The following HNF4G variants were observed in gnomAD, a reference collection of about 807,000 sequenced individuals.
The protein encoded by HNF4G is hepatocyte nuclear factor 4-gamma.
HNF4G carries 21 observed loss-of-function variants against 50.9 expected under a neutral mutation model. That is an observed-to-expected ratio of 0.41 (90% confidence interval 0.29 to 0.59). The LOEUF is 0.59. Among genes scored for constraint, HNF4G ranks in the 20% least tolerant of loss-of-function variants. HNF4G has a pLI of 0.26. For synonymous variants in HNF4G, 198 were observed against 185.6 expected (o/e 1.07, Z -0.54); for missense variants, 527 against 559.4 (o/e 0.94, Z 0.58).
intron 1 of HNF4G, among the ~76,000 whole-genome samples, chr8:75,413,864 T>TA (rs67233685): frequency 0.25 from 37,281 of 151,392 alleles, 4,888 homozygotes; most frequent in Non-Finnish European, 0.29. Flanking sequence ...CTAAAAGATT[T>TA]AAAAAAAAAT....
chr8:75,423,335 C>CTTTTTTTTTT (rs34511777), intron 1 of HNF4G, among the ~76,000 whole-genome samples: 35 of 94,620 alleles, frequency 3.7e-4, no homozygotes, highest in African/African-American at 5.6e-4. Flanking sequence ...TTTTCTTTAT[C>CTTTTTTTTTT]TTTTTTTTTT....
chr8:75,465,103 A>G (rs16939075), intron 1 of HNF4G, among the ~76,000 whole-genome samples: 7,163 of 152,186 alleles, frequency 0.047, 234 homozygotes, highest in African/African-American at 0.081. Flanking sequence ...TTGACTTCCT[A>G]AGATGTCAGT....
At chr8:75,511,776 G>A (rs1285948251) in intron 2 of HNF4G, among the ~76,000 whole-genome samples, 2 of 152,078 alleles carry the variant, frequency 1.3e-5, no homozygotes, top group African/African-American at 4.8e-5. Context: ...GTTTTTAGTA[G>A]AGACGGGGTT....
intron 1 of HNF4G, among the ~76,000 whole-genome samples, chr8:75,481,833 A>AG (rs1275629582): frequency 6.6e-6 from 1 of 151,686 alleles, no homozygotes; most frequent in Admixed American, 6.6e-5. Context: ...CCCAAACAAA[A>AG]AAAAATGTGT....
At chr8:75,428,555 C>T (rs1318309367) in intron 1 of HNF4G, among the ~76,000 whole-genome samples, 1 of 151,980 alleles carries the variant, frequency 6.6e-6, no homozygotes, top group Non-Finnish European at 1.5e-5. Context: ...CAAGAAAGCG[C>T]AGAAAGAGCT....
intron 2 of HNF4G, among the ~76,000 whole-genome samples, chr8:75,528,953 T>A (rs1806251263): frequency 6.6e-6 from 1 of 152,082 alleles, no homozygotes; most frequent in Non-Finnish European, 1.5e-5. Context: ...ACCTCCTGCC[T>A]GGCAGCAGGA....
intron 1 of HNF4G, among the ~76,000 whole-genome samples, chr8:75,466,615 T>G (rs1227121469): frequency 8.8e-6 from 1 of 113,828 alleles, no homozygotes; most frequent in Non-Finnish European, 1.9e-5. Flanking sequence ...CTTCCTTCCT[T>G]CCTTCCTTCC....
intron 2 of HNF4G, among the ~76,000 whole-genome samples, chr8:75,517,909 C>G (rs1805936215): frequency 6.6e-6 from 1 of 152,062 alleles, no homozygotes; most frequent in African/African-American, 2.4e-5. Flanking sequence ...TCCCAGGCAC[C>G]ATACCTCTGC....
At chr8:75,510,493 A>AGTT (rs902743021) in intron 2 of HNF4G, among the ~76,000 whole-genome samples, 56 of 152,176 alleles carry the variant, frequency 3.7e-4, no homozygotes, top group African/African-American at 1.2e-3. Context: ...ACTGTTGCCA[A>AGTT]GTTCCCTTCA....
At chr8:75,459,612 A>G (rs548534069) in intron 1 of HNF4G, among the ~76,000 whole-genome samples, 27 of 152,304 alleles carry the variant, frequency 1.8e-4, no homozygotes, top group Non-Finnish European at 3.2e-4. Context: ...TTTAGAAAAG[A>G]CAAGTGAACT....
At chr8:75,469,202 C>A (rs1049436716) in intron 1 of HNF4G, among the ~76,000 whole-genome samples, 1 of 152,094 alleles carries the variant, frequency 6.6e-6, no homozygotes, top group East Asian at 1.9e-4. Flanking sequence ...ACAAGCCCAA[C>A]CATGCAAGCA....
chr8:75,546,577 G>A (rs961775346), intron 2 of HNF4G, among the ~76,000 whole-genome samples: 2 of 152,010 alleles, frequency 1.3e-5, no homozygotes, highest in Non-Finnish European at 2.9e-5. Context: ...CTACAGATTT[G>A]CCTTTTCAGG....
intron 8 of HNF4G, among the ~76,000 whole-genome samples, 155 bp from the exon 9 acceptor site, chr8:75,560,189 A>G (rs1807265926): frequency 6.6e-6 from 1 of 152,234 alleles, no homozygotes; most frequent in African/African-American, 2.4e-5. Context: ...ATTGTTCTTA[A>G]TATGCCAGTG....
intron 1 of HNF4G, among the ~76,000 whole-genome samples, chr8:75,431,710 G>T (rs1292020473): frequency 6.6e-6 from 1 of 151,786 alleles, no homozygotes; most frequent in African/African-American, 2.4e-5. Context: ...GGTGGATCAC[G>T]AGGTCAGGAG....
chr8:75,419,030 A>G (rs942813257), intron 1 of HNF4G, among the ~76,000 whole-genome samples: 5 of 152,130 alleles, frequency 3.3e-5, no homozygotes, highest in Non-Finnish European at 5.9e-5. Flanking sequence ...CCTGCCTGTG[A>G]TAAGTCTCTT....
chr8:75,442,435 G>T (rs372322392), intron 1 of HNF4G, among the ~76,000 whole-genome samples: 1 of 151,930 alleles, frequency 6.6e-6, no homozygotes, highest in African/African-American at 2.4e-5. Context: ...ATGGCCCAGC[G>T]CAATGGCTCA....
At chr8:75,501,359 T>C (rs1033133719) in intron 2 of HNF4G, among the ~76,000 whole-genome samples, 1 of 152,128 alleles carries the variant, frequency 6.6e-6, no homozygotes, top group African/African-American at 2.4e-5. Context: ...GGCCAGAGGC[T>C]CAGCCCAGGA....
chr8:75,424,571 A>G (rs1345927264), intron 1 of HNF4G, among the ~76,000 whole-genome samples: 1 of 152,082 alleles, frequency 6.6e-6, no homozygotes, highest in Non-Finnish European at 1.5e-5. Context: ...CCCAGAGTCT[A>G]CTGTTCCTAA....
chr8:75,463,346 C>A (rs1811896488), intron 1 of HNF4G, among the ~76,000 whole-genome samples: 1 of 152,020 alleles, frequency 6.6e-6, no homozygotes, highest in African/African-American at 2.4e-5. Context: ...CACTTTGATC[C>A]CATTCTCAGA....
Sources: gnomAD v4.1 joint callset for allele counts (sites outside exome capture counted in the v4.1 genomes callset) on GRCh38, gnomAD v4.1.1 for gene constraint, MANE v1.5 for transcripts, NCBI Gene and HGNC (gene_info 2026-07-23, HGNC 2026-07-21) for gene names.